Variants in EYS observed in about 807,000 individuals in gnomAD.
The protein encoded by EYS is EGF-like photoreceptor maintenance factor.
EYS carries 250 observed loss-of-function variants against 282.1 expected under a neutral mutation model. That is an observed-to-expected ratio of 0.89 (90% CI 0.80 to 0.98). The LOEUF is 0.98. Ranked by LOEUF, EYS falls within the 50% of genes least tolerant of loss-of-function variation. EYS has a pLI of 0.00. For missense variants in EYS, 4,016 were observed against 3,709.0 expected (o/e 1.08, Z -2.15); for synonymous variants, 1,355 against 1,282.9 (o/e 1.06, Z -1.20).
At position 64,670,104 on chromosome 6, in the gene EYS, C is replaced by CG. The variant is rs202006351; in HGVS notation, c.3444-43860dup. On this transcript the variant is annotated intron_variant, in intron 22 of 42. Transcript: ENST00000503581. ...CATAGAGATAATGCCCTGATCTCCC[C>CG]GTCTCTAAGGGAAAGTAGGAGCCTA... Among the ~76,000 whole-genome samples, 586 of 152,186 alleles carry CG rather than the reference C, an allele frequency of 3.9e-3. 13 individuals carry two copies. The highest frequency in any genetic ancestry group is 0.031 in the Admixed American group (478 of 15,278).
At chr6:64,077,454 T>A (rs1345377090) in intron 32 of EYS, among the ~76,000 whole-genome samples, 1 of 152,014 alleles carries the variant, frequency 6.6e-6, no homozygotes, top group African/African-American at 2.4e-5. Flanking sequence ...CTTTTAGTCT[T>A]CCATAAATGC....
chr6:65,381,131 A>T (rs1172383884), intron 8 of EYS, among the ~76,000 whole-genome samples: 1 of 152,150 alleles, frequency 6.6e-6, no homozygotes, highest in Non-Finnish European at 1.5e-5. Flanking sequence ...TACCCAAATG[A>T]TTATAAATCA....
intron 41 of EYS, among the ~76,000 whole-genome samples, chr6:63,754,429 G>A (rs1435201700): frequency 1.3e-5 from 2 of 152,074 alleles, no homozygotes; most frequent in Non-Finnish European, 2.9e-5. Flanking sequence ...ACTTATGAGT[G>A]AGAACATGTG....
intron 31 of EYS, among the ~76,000 whole-genome samples, chr6:64,141,800 T>G (rs1448554294): frequency 6.6e-6 from 1 of 152,184 alleles, no homozygotes; most frequent in African/African-American, 2.4e-5. Flanking sequence ...TTAAAACCAG[T>G]ACTGACTGTA....
intron 31 of EYS, among the ~76,000 whole-genome samples, chr6:64,098,463 C>G (rs1171846655): frequency 6.6e-6 from 1 of 151,978 alleles, no homozygotes; most frequent in Admixed American, 6.5e-5. Flanking sequence ...TAAAATAATC[C>G]TATCTATTAT....
chr6:64,442,859 G>A (rs1299893511), intron 26 of EYS, among the ~76,000 whole-genome samples: 1 of 80,172 alleles, frequency 1.2e-5, no homozygotes, highest in Non-Finnish European at 2.9e-5. Flanking sequence ...TGCTATAGGG[G>A]CAATGTCCTC....
intron 22 of EYS, among the ~76,000 whole-genome samples, chr6:64,643,101 G>C (rs959357495): frequency 6.0e-5 from 8 of 132,608 alleles, no homozygotes; most frequent in Admixed American, 4.3e-4. Context: ...GGCAACAAGA[G>C]TGAAACTCCA....
chr6:64,480,179 G>C (rs1776395210), intron 26 of EYS, among the ~76,000 whole-genome samples: 1 of 151,842 alleles, frequency 6.6e-6, no homozygotes, highest in Admixed American at 6.6e-5. Context: ...ACTCATTGAA[G>C]ATTTTTTGAA....
chr6:65,119,342 C>T (rs1374581388), intron 12 of EYS, among the ~76,000 whole-genome samples: 1 of 152,142 alleles, frequency 6.6e-6, no homozygotes, highest in Non-Finnish European at 1.5e-5. Flanking sequence ...AAGTCATCAT[C>T]TTATACCAAG....
At chr6:65,024,224 G>A (rs985308125) in intron 13 of EYS, among the ~76,000 whole-genome samples, 1 of 152,078 alleles carries the variant, frequency 6.6e-6, no homozygotes, top group East Asian at 1.9e-4. Context: ...TTTTATTCAC[G>A]AAGGAGGCCC....
At position 65,534,193 on chromosome 6, in the gene EYS, T is replaced by C. The variant is rs184618290; in HGVS notation, c.-332-38200A>G. ...GTTCCAAATCACCTTATAGGAACTATTAATCATTCTGGCTTTGTGAGAGAG... is the reference window on the plus strand; with the variant it reads ...GTTCCAAATCACCTTATAGGAACTACTAATCATTCTGGCTTTGTGAGAGAG... On this transcript the variant is annotated intron_variant, in intron 2 of 42. Transcript: ENST00000503581. Among the ~76,000 whole-genome samples, 241 of 152,288 alleles carry C rather than the reference T, an allele frequency of 1.6e-3. 2 individuals are homozygous for C. Among genetic ancestry groups the C allele is most frequent in the Non-Finnish European group, 2.8e-3 (191 of 68,028 alleles).
At chr6:64,428,058 T>C (rs1479849118) in intron 28 of EYS, among the ~76,000 whole-genome samples, 1 of 152,118 alleles carries the variant, frequency 6.6e-6, no homozygotes, top group Admixed American at 6.6e-5. Flanking sequence ...GTATTATGTA[T>C]CTAGCATTTC....
intron 5 of EYS, among the ~76,000 whole-genome samples, chr6:65,417,761 A>G (rs1208439066): frequency 6.6e-6 from 1 of 152,062 alleles, no homozygotes; most frequent in Admixed American, 6.6e-5. Flanking sequence ...CGTTATGCCT[A>G]TTATAAGCAA....
intron 30 of EYS, among the ~76,000 whole-genome samples, chr6:64,260,079 A>G (rs376260613): frequency 2.6e-5 from 4 of 152,074 alleles, no homozygotes; most frequent in Non-Finnish European, 4.4e-5. Flanking sequence ...GTTCTGGCCA[A>G]TGAAATATGT....
intron 35 of EYS, among the ~76,000 whole-genome samples, chr6:63,902,939 G>A (rs1419828560): frequency 6.6e-6 from 1 of 152,136 alleles, no homozygotes; most frequent in African/African-American, 2.4e-5. Flanking sequence ...CATGAAGTAG[G>A]GGAGAAGGTG....
intron 36 of EYS, among the ~76,000 whole-genome samples, chr6:63,817,171 G>A (rs917064643): frequency 6.6e-6 from 1 of 152,214 alleles, no homozygotes; most frequent in Non-Finnish European, 1.5e-5. Context: ...AGAATCAAAG[G>A]TAATGCTACT....
At chr6:64,319,268 GATTT>G (rs1462199254) in intron 29 of EYS, among the ~76,000 whole-genome samples, 3 of 151,904 alleles carry the variant, frequency 2.0e-5, no homozygotes, top group Non-Finnish European at 1.5e-5. Flanking sequence ...CTTTATTGTA[GATTT>G]ATTATTTATT....
At chr6:64,020,233 C>A (rs1371996976) in intron 33 of EYS, among the ~76,000 whole-genome samples, 1 of 152,054 alleles carries the variant, frequency 6.6e-6, no homozygotes, top group Admixed American at 6.6e-5. Flanking sequence ...GCAGCCAACA[C>A]ACAGAAATGA....
At chr6:64,472,002 T>C (rs1055993954) in intron 26 of EYS, among the ~76,000 whole-genome samples, 21 of 152,188 alleles carry the variant, frequency 1.4e-4, no homozygotes, top group African/African-American at 5.1e-4. Flanking sequence ...AGGTGATAGA[T>C]ATCTTAAATA....
Sources: gnomAD v4.1 joint callset for allele counts (sites outside exome capture counted in the v4.1 genomes callset) on GRCh38, gnomAD v4.1.1 for gene constraint, MANE v1.5 for transcripts, NCBI Gene and HGNC (gene_info 2026-07-23, HGNC 2026-07-21) for gene names.